MYT1L: variants seen among roughly 807,000 people sequenced by gnomAD.
The protein encoded by MYT1L is myelin transcription factor 1 like.
A neutral mutation model predicts 126.7 loss-of-function variants in MYT1L; 12 were observed. The observed-to-expected ratio is 0.09, with a 90% CI of 0.06 to 0.15. The LOEUF is 0.15. MYT1L is among the 10% of genes least tolerant of loss of function. MYT1L has a pLI of 1.00. For missense variants in MYT1L, 979 were observed against 1,585.2 expected, an observed-to-expected ratio of 0.62 and a Z score of 6.49; for synonymous variants, 541 against 604.2, an observed-to-expected ratio of 0.90 and a Z score of 1.53.
At chr2:1,883,371 G>A (rs60492200) in intron 18 of MYT1L, among the ~76,000 whole-genome samples, 6,653 of 152,196 alleles carry the variant, frequency 0.044, 245 homozygotes, top group East Asian at 0.19. Context: ...ATTCCTGGCT[G>A]GGAGAATATG....
chr2:1,968,138 A>C lies in MYT1L; in HGVS notation c.152+11027T>G, dbSNP rs528138233. Among the ~76,000 whole-genome samples the C allele has an allele frequency of 1.8e-4, 27 of 152,268 alleles. No individual in the cohort carries two copies. In the South Asian group the frequency reaches 5.4e-3, roughly 30 times the overall value. ...CCAGGGCCCGCAGCTGGGCCCCTCTAGCAGCACCACTCTCTGCTCTCAGAT... is the reference window on the plus strand; with the variant it reads ...CCAGGGCCCGCAGCTGGGCCCCTCTCGCAGCACCACTCTCTGCTCTCAGAT... On this transcript the variant is annotated intron_variant, in intron 8 of 24. Transcript: ENST00000647738.
Position 1,840,900 on chromosome 2 carries a change from C to CTTTTT in MYT1L, c.2775-58_2775-57insAAAAA, listed in dbSNP as rs1197637882. The CTTTTT allele has an allele frequency of 3.1e-4, 234 of 758,998 alleles. 12 individuals are homozygous for CTTTTT. In the African/African-American group the frequency reaches 3.4e-3, roughly 11 times the overall value. The allele number at this position is 758,998 out of a possible 1,614,324, so 47.0% of individuals were successfully genotyped here. Reference sequence around the variant, plus strand: ...CACACCGTTGATTTCAGTGAGCTTTCTTTCTTTTTTTTTTTTTTTTTGAGA... The same window carrying CTTTTT: ...CACACCGTTGATTTCAGTGAGCTTTCTTTTTTTTCTTTTTTTTTTTTTTTTTGAGA... On this transcript the variant is annotated intron_variant, in intron 19 of 24. Transcript: ENST00000647738.
At position 1,801,797 on chromosome 2, in the gene MYT1L, T is replaced by C; in HGVS notation, c.3175A>G (p.Ile1059Val). The change falls in exon 23 of 25, where the codon ATA (isoleucine) becomes GTA (valine). Residue 1059 changes from isoleucine (I) to valine (V), a missense_variant and splice_region_variant. Physicochemically the swap from Ile to Val is conservative, Grantham distance 29. Transcript: ENST00000647738. The surrounding 1 kb of genome is among the most constrained non-coding windows in gnomAD (Gnocchi z 4.2). ...TGTTTGATTTCTTCATCATTTTCTA[T>C]ACCTGTAATAATGAATATTAGTATG... ...LTIKQRASNG[I>V]ENDEEIKQLD... The C allele has an allele frequency of 6.4e-7, 1 of 1,566,608 alleles. No individual in the cohort carries two copies. Among genetic ancestry groups the C allele is most frequent in the Non-Finnish European group, 8.8e-7 (1 of 1,139,574 alleles).
At chr2:1,941,789 T>C (rs1047266497) in intron 9 of MYT1L, among the ~76,000 whole-genome samples, 1 of 152,250 alleles carries the variant, frequency 6.6e-6, no homozygotes, top group Non-Finnish European at 1.5e-5. Flanking sequence ...CCTGTGTATA[T>C]ATGTACATGT....
intron 2 of MYT1L, among the ~76,000 whole-genome samples, chr2:2,248,779 T>A (rs538141538): frequency 6.6e-6 from 1 of 152,106 alleles, no homozygotes; most frequent in African/African-American, 2.4e-5. Flanking sequence ...AACCATATAA[T>A]CATTTCAATT....
intron 4 of MYT1L, among the ~76,000 whole-genome samples, chr2:2,021,360 T>C (rs1486234620): frequency 6.6e-6 from 1 of 152,162 alleles, no homozygotes; most frequent in Non-Finnish European, 1.5e-5. Flanking sequence ...TCCAGGCTGA[T>C]TTCTAGCAGT....
chr2:2,235,233 T>G (rs569461839), intron 2 of MYT1L, among the ~76,000 whole-genome samples: 3 of 152,184 alleles, frequency 2.0e-5, no homozygotes, highest in Admixed American at 1.3e-4. Flanking sequence ...TAGAGGCGTG[T>G]GTATAGAGGG....
At chr2:1,792,089 G>A in intron 24 of MYT1L, 82 bp from the exon 25 acceptor site, 1 of 1,257,746 alleles carries the variant, frequency 8.0e-7, no homozygotes, top group East Asian at 2.6e-5. Context: ...TAGTATCATA[G>A]CATAGTGCCC....
chr2:2,125,407 A>G (rs1175974026), intron 3 of MYT1L, among the ~76,000 whole-genome samples: 1 of 152,218 alleles, frequency 6.6e-6, no homozygotes, highest in Non-Finnish European at 1.5e-5. Context: ...TCTAGAAAAA[A>G]TGTACAATAT....
intron 14 of MYT1L, among the ~76,000 whole-genome samples, chr2:1,898,708 G>A (rs1293400691): frequency 6.6e-6 from 1 of 152,238 alleles, no homozygotes; most frequent in African/African-American, 2.4e-5. Flanking sequence ...CAGGCAGCTG[G>A]AGAGTGGTAG....
intron 2 of MYT1L, among the ~76,000 whole-genome samples, chr2:2,195,370 C>T (rs1267075424): frequency 3.3e-5 from 5 of 152,308 alleles, no homozygotes; most frequent in African/African-American, 9.6e-5. Context: ...AATAGCTCAG[C>T]TCTCACAGGT....
chr2:2,277,869 AG>A (rs1559531211), intron 2 of MYT1L, among the ~76,000 whole-genome samples: 1 of 152,220 alleles, frequency 6.6e-6, no homozygotes, highest in Non-Finnish European at 1.5e-5. Context: ...CTTAATTTGA[AG>A]AAAAAAAACT....
chr2:1,935,324 A>G (rs2055717830), intron 9 of MYT1L, among the ~76,000 whole-genome samples: 1 of 152,150 alleles, frequency 6.6e-6, no homozygotes. Flanking sequence ...GGCACAGAGA[A>G]AAAAAACACA....
intron 1 of MYT1L, chr2:2,303,857 G>T (rs927805228): frequency 2.6e-5 from 4 of 152,198 alleles, no homozygotes; most frequent in Non-Finnish European, 4.4e-5. Flanking sequence ...ATTCAAGGAA[G>T]AATCTTCCCC....
In MYT1L at chr2:1,789,198, C is replaced by A. The variant is rs973850590; in HGVS notation, c.*2669G>T. The A allele has an allele frequency of 6.6e-6, 1 of 152,124 alleles. No individual in the cohort carries two copies. Among genetic ancestry groups the A allele is most frequent in the African/African-American group, 2.4e-5 (1 of 41,420 alleles). 9.4% of individuals were successfully genotyped at this position (152,124 alleles called of 1,614,324 possible). A position where few individuals can be genotyped will look rare whatever the true frequency, so the allele number is the denominator to read the frequency against. Reference sequence around the variant, plus strand: ...AACATCCAGCATGACAAAATTTGTACAAAGTTCACAATTTAAAAATGAAGT... The same window carrying A: ...AACATCCAGCATGACAAAATTTGTAAAAAGTTCACAATTTAAAAATGAAGT... On this transcript the variant is annotated 3_prime_UTR_variant, in exon 25 of 25. Coordinates refer to ENST00000647738, the MANE Select transcript of MYT1L (RefSeq NM_001303052.2).
At chr2:2,004,925 GGCATTCTTTCCTGCAT>G (rs1558704450) in intron 4 of MYT1L, among the ~76,000 whole-genome samples, 2 of 125,754 alleles carry the variant, frequency 1.6e-5, no homozygotes, top group African/African-American at 6.3e-5. Flanking sequence ...CTTTCCTGCA[GGCATTCTTTCCTGCAT>G]GCGTTCTTTC....
chr2:1,796,874 G>T (rs766107243), intron 23 of MYT1L, among the ~76,000 whole-genome samples: 5 of 152,130 alleles, frequency 3.3e-5, no homozygotes, highest in Non-Finnish European at 5.9e-5. Context: ...CACAAATGCC[G>T]CTTGCCCAGG....
chr2:2,269,912 A>G (rs181833747), intron 2 of MYT1L, among the ~76,000 whole-genome samples: 1 of 152,262 alleles, frequency 6.6e-6, no homozygotes, highest in African/African-American at 2.4e-5. Flanking sequence ...CTCCAAATCT[A>G]TTCATGACTT....
rs115456702 is a variant in MYT1L, at chr2:2,009,718, C to T, written c.-157-12371G>A. 3.1e-3 allele frequency among the ~76,000 whole-genome samples: 470 copies of T among 152,240 alleles called. 5 individuals are homozygous for T. Among genetic ancestry groups the T allele is most frequent in the African/African-American group, 0.011 (457 of 41,530 alleles). Reference sequence around the variant, plus strand: ...TCTTATTTCATTTCTTGTCTGACTGCTCTTGTTAGTACTTCTAATCCCATG... The same window carrying T: ...TCTTATTTCATTTCTTGTCTGACTGTTCTTGTTAGTACTTCTAATCCCATG... On this transcript the variant is annotated intron_variant, in intron 4 of 24. Coordinates refer to ENST00000647738, the MANE Select transcript of MYT1L (RefSeq NM_001303052.2).
Sources: gnomAD v4.1 joint callset for allele counts (sites outside exome capture counted in the v4.1 genomes callset) on GRCh38, gnomAD v4.1.1 for gene constraint, Gnocchi (gnomAD v3.1) non-coding constraint, MANE v1.5 for transcripts, NCBI Gene and HGNC (gene_info 2026-07-23, HGNC 2026-07-21) for gene names.